ASIC2: variants seen among roughly 807,000 people sequenced by gnomAD.
ASIC2 encodes acid-sensing ion channel 2.
ASIC2 carries 25 observed loss-of-function variants against 57.3 expected under a neutral mutation model. That is an observed-to-expected ratio of 0.44 (90% CI 0.32 to 0.61). The LOEUF is 0.61. ASIC2 is among the 20% of genes least tolerant of loss of function. ASIC2 has a pLI of 0.06. For synonymous variants in ASIC2, 319 were observed against 307.5 expected (o/e 1.04, Z -0.39); for missense variants, 641 against 738.1 (o/e 0.87, Z 1.52).
intron 1 of ASIC2, among the ~76,000 whole-genome samples, chr17:33,118,758 C>T (rs2092290235): frequency 6.6e-6 from 1 of 152,160 alleles, no homozygotes; most frequent in Non-Finnish European, 1.5e-5. Flanking sequence ...GAGATCTGAC[C>T]TGGGCTTCAT....
chr17:34,041,366 A>G (rs903063146), intron 1 of ASIC2: 6 of 152,314 alleles, frequency 3.9e-5, no homozygotes, highest in African/African-American at 1.4e-4. Flanking sequence ...CTCTCCACAG[A>G]GTCCTCAAAT....
intron 1 of ASIC2, among the ~76,000 whole-genome samples, chr17:33,376,272 A>T (rs1567840767): frequency 6.6e-6 from 1 of 152,184 alleles, no homozygotes; most frequent in Non-Finnish European, 1.5e-5. Context: ...AGAAAAATAC[A>T]GCTGGGTGAG....
intron 1 of ASIC2, among the ~76,000 whole-genome samples, chr17:33,543,043 A>G (rs1037541393): frequency 2.7e-4 from 40 of 149,626 alleles, no homozygotes; most frequent in Non-Finnish European, 5.3e-4. Flanking sequence ...AGAACAAAAA[A>G]CCAAACACCG....
intron 1 of ASIC2, among the ~76,000 whole-genome samples, chr17:33,804,041 T>C (rs1170731320): frequency 6.6e-6 from 1 of 152,162 alleles, no homozygotes; most frequent in Non-Finnish European, 1.5e-5. Context: ...GTCTCCATGT[T>C]CTCTCCCTTT....
intron 1 of ASIC2, among the ~76,000 whole-genome samples, chr17:33,353,988 G>A (rs917851198): frequency 6.6e-6 from 1 of 152,130 alleles, no homozygotes; most frequent in Non-Finnish European, 1.5e-5. Context: ...GGCTGGGGAG[G>A]CCTCACATTC....
chr17:33,050,663 C>A (rs1035208631), intron 3 of ASIC2, among the ~76,000 whole-genome samples: 1 of 152,154 alleles, frequency 6.6e-6, no homozygotes, highest in Non-Finnish European at 1.5e-5. Context: ...CATAGATGAG[C>A]AGATGCAAAC....
intron 3 of ASIC2, among the ~76,000 whole-genome samples, chr17:33,033,018 C>T (rs2091891289): frequency 6.6e-6 from 1 of 152,074 alleles, no homozygotes; most frequent in African/African-American, 2.4e-5. Context: ...GCCTGTAATC[C>T]CAACACTTTG....
chr17:34,044,407 A>G (rs1010473246), intron 1 of ASIC2, among the ~76,000 whole-genome samples: 3 of 152,240 alleles, frequency 2.0e-5, no homozygotes, highest in African/African-American at 7.2e-5. Flanking sequence ...TCAAATTTTC[A>G]TCCTTAATCT....
chr17:33,550,637 A>T (rs1915724345), intron 1 of ASIC2, among the ~76,000 whole-genome samples: 1 of 152,238 alleles, frequency 6.6e-6, no homozygotes, highest in Non-Finnish European at 1.5e-5. Context: ...TGGTTTCCTC[A>T]TTTAGAGAAG....
chr17:33,526,667 C>A (rs1278488804), intron 1 of ASIC2, among the ~76,000 whole-genome samples: 1,932 of 152,216 alleles, frequency 0.013, no homozygotes, highest in African/African-American at 0.045. Context: ...CTTATACAGC[C>A]AGGGCATTGG....
At chr17:34,133,245 C>G (rs34025446) in intron 1 of ASIC2, among the ~76,000 whole-genome samples, 70,832 of 151,490 alleles carry the variant, frequency 0.47, 16,850 homozygotes, top group Middle Eastern at 0.54. Flanking sequence ...TGCCTTCAAG[C>G]GTCTTTCTTT....
chr17:33,222,134 G>T (rs1477103822), intron 1 of ASIC2, among the ~76,000 whole-genome samples: 2 of 152,176 alleles, frequency 1.3e-5, no homozygotes, highest in Non-Finnish European at 2.9e-5. Flanking sequence ...GGGAATTCTT[G>T]TGTCTTTAGT....
intron 1 of ASIC2, among the ~76,000 whole-genome samples, chr17:33,709,759 G>T (rs1318299315): frequency 6.6e-6 from 1 of 152,062 alleles, no homozygotes; most frequent in Non-Finnish European, 1.5e-5. Context: ...TAATATAATG[G>T]GTATAAAGAA....
intron 1 of ASIC2, among the ~76,000 whole-genome samples, chr17:33,322,243 T>A (rs1279270195): frequency 2.0e-5 from 3 of 152,116 alleles, no homozygotes; most frequent in Non-Finnish European, 4.4e-5. Flanking sequence ...GCCAGCTCTG[T>A]GTGTGGGTGA....
At chr17:33,039,368 C>T (rs2091921663) in intron 3 of ASIC2, among the ~76,000 whole-genome samples, 1 of 152,138 alleles carries the variant, frequency 6.6e-6, no homozygotes, top group African/African-American at 2.4e-5. Flanking sequence ...CTCACTGACC[C>T]GTGTGTCTGA....
chr17:33,679,633 A>G (rs1907936963), intron 1 of ASIC2, among the ~76,000 whole-genome samples: 1 of 152,150 alleles, frequency 6.6e-6, no homozygotes. Flanking sequence ...GTGAAGAGTA[A>G]TGGGAGATGG....
chr17:33,464,044 T>C (rs950920657), intron 1 of ASIC2, among the ~76,000 whole-genome samples: 37 of 152,362 alleles, frequency 2.4e-4, no homozygotes, highest in African/African-American at 8.7e-4. Context: ...TGGATGCATG[T>C]GGCATTCCAT....
intron 1 of ASIC2, among the ~76,000 whole-genome samples, chr17:33,410,090 T>C (rs1910604026): frequency 6.6e-6 from 1 of 152,152 alleles, no homozygotes; most frequent in Non-Finnish European, 1.5e-5. Flanking sequence ...GGAGCCAGCT[T>C]CAAAGATGAT....
chr17:33,530,786 G>A (rs1361176454), intron 1 of ASIC2, among the ~76,000 whole-genome samples: 2 of 152,196 alleles, frequency 1.3e-5, no homozygotes, highest in Non-Finnish European at 2.9e-5. Flanking sequence ...GTTGGAGACT[G>A]CCTCTCATAG....
Sources: gnomAD v4.1 joint callset for allele counts (sites outside exome capture counted in the v4.1 genomes callset) on GRCh38, gnomAD v4.1.1 for gene constraint, MANE v1.5 for transcripts, NCBI Gene and HGNC (gene_info 2026-07-23, HGNC 2026-07-21) for gene names.